Variants in ZC3H6 observed in about 807,000 individuals in gnomAD.
ZC3H6 encodes the protein zinc finger CCCH domain-containing protein 6.
ZC3H6 carries 40 observed loss-of-function variants against 107.7 expected under a neutral mutation model. The ratio of observed to expected loss-of-function variants is 0.37; its 90% CI spans 0.29 to 0.48. The LOEUF is 0.48. Among genes scored for constraint, ZC3H6 ranks in the 20% least tolerant of loss-of-function variants. ZC3H6 has a pLI of 0.98. For synonymous variants in ZC3H6, 493 were observed against 487.9 expected (o/e 1.01, Z -0.14); for missense variants, 1,267 against 1,410.4 (o/e 0.90, Z 1.63).
intron 1 of ZC3H6, among the ~76,000 whole-genome samples, chr2:112,278,203 T>C (rs1210215911): frequency 2.0e-5 from 3 of 152,366 alleles, no homozygotes; most frequent in Non-Finnish European, 2.9e-5. Flanking sequence ...CAAAATACTG[T>C]ATCTTTCCAT....
intron 11 of ZC3H6, among the ~76,000 whole-genome samples, chr2:112,330,064 T>C (rs951105772): frequency 1.3e-5 from 2 of 151,934 alleles, no homozygotes; most frequent in Non-Finnish European, 2.9e-5. Flanking sequence ...GGTTTTTTTT[T>C]TTTTTTGAGA....
In ZC3H6 at chr2:112,332,625, A is replaced by G. The variant is rs891526815; in HGVS notation, c.*137A>G. The G allele has an allele frequency of 1.3e-6, 1 of 792,402 alleles. No individual in the cohort carries two copies. Among genetic ancestry groups the G allele is most frequent in the Non-Finnish European group, 1.9e-6 (1 of 524,142 alleles). 49.1% of individuals were successfully genotyped at this position (792,402 alleles called of 1,614,324 possible). A position where few individuals can be genotyped will look rare whatever the true frequency, so the allele number is the denominator to read the frequency against. On this transcript the variant is annotated 3_prime_UTR_variant, in exon 12 of 12. Coordinates refer to ENST00000409871, the MANE Select transcript of ZC3H6 (RefSeq NM_198581.3). ...CAGCTGCTAGTATCAGAACCACATG[A>G]AGTTATAGCCTCTAAAGCCTGTGGT...
rs371744901 is a variant in ZC3H6, at chr2:112,324,966, G to A, written c.1855G>A (p.Gly619Arg). The A allele has an allele frequency of 3.1e-6, 5 of 1,597,686 alleles. No homozygotes were observed. In the African/African-American group the frequency reaches 6.7e-5, roughly 21 times the overall value. ...CTCTCCCCATGTTATACATGTAGATGGGATGTGGCATGGTGAATTTGCCCA... is the reference window on the plus strand; with the variant it reads ...CTCTCCCCATGTTATACATGTAGATAGGATGTGGCATGGTGAATTTGCCCA... The part of the protein sequence containing the change: ...NFQPPNNSGD[G>R]MWHGEFAQQQ... The change falls in exon 11 of 12, where the codon GGG becomes AGG. Residue 619 changes from glycine (G) to arginine (R), a missense_variant and splice_region_variant. By Grantham distance (125) the Gly-to-Arg change is moderately radical. Around this residue, in one of 3 missense-constraint regions of ZC3H6, gnomAD observed 925 missense variants for 1,025.7 expected, o/e 0.90. Transcript: ENST00000409871.
At chr2:112,300,165 T>G (rs1676341408) in intron 2 of ZC3H6, 136 bp downstream of exon 2, 1 of 588,510 alleles carries the variant, frequency 1.7e-6, no homozygotes, top group African/African-American at 1.9e-5. Context: ...TTAAACTTTC[T>G]AAACAAAGAT....
intron 1 of ZC3H6, among the ~76,000 whole-genome samples, chr2:112,279,364 C>T (rs1376768929): frequency 1.3e-5 from 2 of 152,126 alleles, no homozygotes; most frequent in Admixed American, 6.5e-5. Flanking sequence ...TAAATATAAC[C>T]CAAGTAATTG....
intron 11 of ZC3H6, among the ~76,000 whole-genome samples, chr2:112,325,842 G>A (rs1676897393): frequency 6.6e-6 from 1 of 151,964 alleles, no homozygotes; most frequent in South Asian, 2.1e-4. Context: ...AGATTATATG[G>A]AAACTAAGTT....
chr2:112,313,176 T>C (rs1476865618), intron 5 of ZC3H6, among the ~76,000 whole-genome samples: 1 of 152,210 alleles, frequency 6.6e-6, no homozygotes, highest in Non-Finnish European at 1.5e-5. Flanking sequence ...ACCCATCATT[T>C]ACTCAACTAC....
intron 2 of ZC3H6, among the ~76,000 whole-genome samples, chr2:112,301,570 T>C (rs1676378777): frequency 6.6e-6 from 1 of 152,120 alleles, no homozygotes; most frequent in Non-Finnish European, 1.5e-5. Context: ...ATGGTCACAT[T>C]CCATAGTTGT....
chr2:112,329,373 CA>C (rs1676977035), intron 11 of ZC3H6, among the ~76,000 whole-genome samples: 1 of 152,018 alleles, frequency 6.6e-6, no homozygotes, highest in African/African-American at 2.4e-5. Flanking sequence ...ATAGAAGTAA[CA>C]AATACTATGA....
chr2:112,279,409 G>A (rs1326450960), intron 1 of ZC3H6, among the ~76,000 whole-genome samples: 2 of 152,188 alleles, frequency 1.3e-5, no homozygotes, highest in African/African-American at 4.8e-5. Flanking sequence ...AATGGTAAAA[G>A]GTTTTGTAGG....
At chr2:112,315,185 A>T (rs6760417) in intron 5 of ZC3H6, among the ~76,000 whole-genome samples, 29,053 of 152,060 alleles carry the variant, frequency 0.19, 3,405 homozygotes, top group East Asian at 0.42. Context: ...GTTGTTTTTT[A>T]GAGTTGATGA....
chr2:112,310,253 A>T (rs1676570712), intron 4 of ZC3H6, 92 bp downstream of exon 4: 1 of 1,258,336 alleles, frequency 7.9e-7, no homozygotes, highest in African/African-American at 1.5e-5. Flanking sequence ...ATCCCTGTTC[A>T]AGATTAGCTT....
rs1282718452 is a variant in ZC3H6, at chr2:112,321,793, A to C, written c.1014A>C (p.Lys338Asn). ...GCAAGTTCTATCATAGTGGAGCAAA[A>C]TGTTACCAGGGAGACAACTGTAAAT... Reference protein sequence around the residue: ...FPCKFYHSGAKCYQGDNCKFS... With the variant: ...FPCKFYHSGANCYQGDNCKFS... The change falls in exon 8 of 12, where the codon AAA becomes AAC. Residue 338 changes from lysine to asparagine, a missense_variant. By Grantham distance (94) the Lys-to-Asn change is moderately conservative. This residue lies in a region of ZC3H6 where 925 missense variants were observed against 1,025.7 expected (regional missense o/e 0.90). Coordinates refer to ENST00000409871, the MANE Select transcript of ZC3H6 (RefSeq NM_198581.3). 1.3e-6 allele frequency: 2 copies of C among 1,550,774 alleles called. No individual in the cohort carries two copies. The highest frequency in any genetic ancestry group is 1.7e-6 in the Non-Finnish European group (2 of 1,147,314).
intron 1 of ZC3H6, among the ~76,000 whole-genome samples, chr2:112,294,371 T>C (rs1676187213): frequency 1.3e-5 from 2 of 152,248 alleles, no homozygotes; most frequent in Non-Finnish European, 2.9e-5. Flanking sequence ...GTTCTGTTGG[T>C]CTTAGGATAA....
intron 1 of ZC3H6, among the ~76,000 whole-genome samples, chr2:112,292,976 C>A (rs2104700963): frequency 6.6e-6 from 1 of 152,174 alleles, no homozygotes; most frequent in East Asian, 1.9e-4. Flanking sequence ...AGTTATTATG[C>A]ATATATGCAA....
intron 5 of ZC3H6, among the ~76,000 whole-genome samples, chr2:112,314,867 A>G (rs1676667196): frequency 6.6e-6 from 1 of 152,182 alleles, no homozygotes; most frequent in African/African-American, 2.4e-5. Flanking sequence ...TAAATTAGGT[A>G]TGTTTATATT....
At position 112,311,881 on chromosome 2, in the gene ZC3H6, G is replaced by T. The variant is rs775930087; in HGVS notation, c.691G>T (p.Gly231Trp). ...GAAGAAAATCAAACGAAAAGAACGT[G>T]GGGGAAGAACCAATAAAGGGCCTAA... ...LPKKIKRKER[G>W]GRTNKGPNVF... Residue 231 changes from glycine (G) to tryptophan (W), a missense_variant, in exon 5 of 12, where the codon GGG (glycine) becomes TGG (tryptophan). Physicochemically the swap from Gly to Trp is radical, Grantham distance 184. This residue lies in a region of ZC3H6 where 337 missense variants were observed against 361.2 expected (regional missense o/e 0.93). Transcript: ENST00000409871. 2 of 1,613,494 alleles carry T rather than the reference G, an allele frequency of 1.2e-6. No homozygotes were observed. Among genetic ancestry groups the T allele is most frequent in the Admixed American group, 3.3e-5 (2 of 59,998 alleles).
chr2:112,316,768 A>G (rs1040072010), intron 6 of ZC3H6, among the ~76,000 whole-genome samples, 182 bp downstream of exon 6: 2 of 152,224 alleles, frequency 1.3e-5, no homozygotes, highest in Non-Finnish European at 2.9e-5. Context: ...TTCTGGGACA[A>G]TAACATAATT....
At chr2:112,320,283 G>A (rs1251479576) in intron 7 of ZC3H6, among the ~76,000 whole-genome samples, 1 of 152,076 alleles carries the variant, frequency 6.6e-6, no homozygotes, top group Non-Finnish European at 1.5e-5. Context: ...TGTGAATATT[G>A]TATTTTTAAA....
Sources: gnomAD v4.1 joint callset for allele counts (sites outside exome capture counted in the v4.1 genomes callset) on GRCh38, gnomAD v4.1.1 for gene constraint, gnomAD v4.1.1 regional missense constraint, MANE v1.5 for transcripts, NCBI Gene and HGNC (gene_info 2026-07-23, HGNC 2026-07-21) for gene names.